BANP: variants seen among roughly 807,000 people sequenced by gnomAD.
BANP encodes the protein protein BANP.
A neutral mutation model predicts 68.1 loss-of-function variants in BANP; 11 were observed. The ratio of observed to expected loss-of-function variants is 0.16; its 90% CI spans 0.10 to 0.27. The LOEUF (loss-of-function observed/expected upper bound fraction) is 0.27. BANP is among the 10% of genes least tolerant of loss of function. The pLI, the probability that BANP is intolerant of heterozygous loss-of-function variation, is 1.00. For synonymous variants in BANP, 329 were observed against 303.2 expected (o/e 1.09, Z -0.88); for missense variants, 504 against 722.7 (o/e 0.70, Z 3.47).
chr16:87,950,085 G>A (rs2056668532), upstream of BANP, among the ~76,000 whole-genome samples: 1 of 152,082 alleles, frequency 6.6e-6, no homozygotes, highest in African/African-American at 2.4e-5. Context: ...CACCGTGTTA[G>A]CCAGGATGGT....
At chr16:88,016,173 C>T (rs1291498848) in intron 6 of BANP, among the ~76,000 whole-genome samples, 4 of 152,230 alleles carry the variant, frequency 2.6e-5, no homozygotes, top group Non-Finnish European at 5.9e-5. Context: ...ACCAGGAAAT[C>T]TGTGGCATGG....
chr16:88,027,292 C>T (rs563567223), intron 7 of BANP, among the ~76,000 whole-genome samples, 191 bp from the exon 8 acceptor site: 5 of 152,012 alleles, frequency 3.3e-5, no homozygotes, highest in Non-Finnish European at 5.9e-5. Context: ...GTGGGGAGCC[C>T]CGCCTGTGGG....
Position 88,018,456 on chromosome 16 carries a change from C to T in BANP, c.684C>T (p.Gly228=), listed in dbSNP as rs752382664. ...ACTACCCCAATGGCACCTGGCTGGG[C>T]GACGAGAACAACCCCGAGATGCGGG... The part of the protein sequence containing the change: ...EEDYPNGTWL[G]DENNPEMRVR... Residue 228 remains glycine, a synonymous_variant, in exon 7 of 14, where the codon GGC becomes GGT. Coordinates refer to ENST00000682872, the MANE Select transcript of BANP (RefSeq NM_001386991.1). This position sits in a 1 kb window ranked among gnomAD's most constrained non-coding sequence, Gnocchi z 7.7. The T allele has an allele frequency of 3.1e-6, 5 of 1,612,750 alleles. No homozygotes were observed. The South Asian group carries it at 4.4e-5, about 14-fold the overall frequency.
intron 1 of BANP, among the ~76,000 whole-genome samples, chr16:87,953,429 G>A (rs944945197): frequency 2.6e-5 from 4 of 152,066 alleles, no homozygotes; most frequent in South Asian, 2.1e-4. Flanking sequence ...GGCCGTACTC[G>A]AACTCCTGAG....
chr16:88,070,040 C>T (rs1376587090), intron 12 of BANP, among the ~76,000 whole-genome samples: 2 of 152,178 alleles, frequency 1.3e-5, no homozygotes, highest in African/African-American at 2.4e-5. Context: ...TAAAGATCCA[C>T]TTCCGCTTCA....
intron 12 of BANP, among the ~76,000 whole-genome samples, chr16:88,065,764 G>A (rs892578940): frequency 6.6e-6 from 1 of 152,156 alleles, no homozygotes; most frequent in Non-Finnish European, 1.5e-5. Flanking sequence ...GGGGAACTGG[G>A]CTGGTGGCAG....
intron 2 of BANP, among the ~76,000 whole-genome samples, chr16:87,977,809 C>T (rs1280678429): frequency 1.3e-5 from 2 of 151,484 alleles, no homozygotes; most frequent in Non-Finnish European, 2.9e-5. Context: ...TGACTTGCAT[C>T]AGGCCTGTCA....
chr16:87,980,140 C>T (rs753562628), intron 2 of BANP, among the ~76,000 whole-genome samples: 16 of 152,146 alleles, frequency 1.1e-4, no homozygotes, highest in Admixed American at 2.6e-4. Flanking sequence ...ACTGTCATTT[C>T]AGGCAAGGAA....
intron 6 of BANP, among the ~76,000 whole-genome samples, chr16:88,009,427 C>A (rs542158514): frequency 9.8e-5 from 15 of 152,326 alleles, no homozygotes; most frequent in African/African-American, 3.4e-4. Context: ...ACGGTTATTT[C>A]TTAAGAATTC....
At chr16:88,017,300 C>A in intron 6 of BANP, 1 of 152,442 alleles carries the variant, frequency 6.6e-6, no homozygotes. Context: ...AGGTTTCTAC[C>A]CTTCCACAGG....
chr16:87,980,850 T>C lies in BANP; in HGVS notation c.71-186T>C, dbSNP rs559999394. 701 of 568,268 alleles carry C rather than the reference T, an allele frequency of 1.2e-3. 2 individuals are homozygous for C. Among genetic ancestry groups the C allele is most frequent in the Middle Eastern group, 2.4e-3 (5 of 2,078 alleles). The allele number at this position is 568,268 out of a possible 1,614,324, so 35.2% of individuals were successfully genotyped here. ...AATTGCCCAGTGTCTGGGCTTTTCT[T>C]GGGATTAAGGAGTTATCCTGTTTTT... On this transcript the variant is annotated intron_variant, in intron 2 of 13. Coordinates refer to ENST00000682872, the MANE Select transcript of BANP (RefSeq NM_001386991.1).
At chr16:87,952,884 C>T (rs1361313328) in intron 1 of BANP, 1 of 152,162 alleles carries the variant, frequency 6.6e-6, no homozygotes, top group Non-Finnish European at 1.5e-5. Context: ...AAGTGATCCT[C>T]CCACCGCAGC....
intron 1 of BANP, among the ~76,000 whole-genome samples, chr16:87,972,022 A>C (rs2061222405): frequency 6.6e-6 from 1 of 151,976 alleles, no homozygotes; most frequent in South Asian, 2.1e-4. Flanking sequence ...TGAGCTATCA[A>C]CCTCAAATGG....
At chr16:87,979,864 A>G (rs2062926325) in intron 2 of BANP, among the ~76,000 whole-genome samples, 1 of 152,172 alleles carries the variant, frequency 6.6e-6, no homozygotes, top group African/African-American at 2.4e-5. Flanking sequence ...ACTTGGGCTG[A>G]GGTGGGGGGT....
At chr16:88,032,167 A>T (rs2078323108) in intron 8 of BANP, among the ~76,000 whole-genome samples, 1 of 150,986 alleles carries the variant, frequency 6.6e-6, no homozygotes, top group Non-Finnish European at 1.5e-5. Context: ...TCATATCAAC[A>T]TTCTACTTCT....
At chr16:88,022,150 A>G (rs1427673151) in intron 7 of BANP, among the ~76,000 whole-genome samples, 1 of 152,236 alleles carries the variant, frequency 6.6e-6, no homozygotes, top group East Asian at 1.9e-4. Flanking sequence ...GCATTTTCCT[A>G]AGGAATGTGC....
At chr16:88,053,001 A>G (rs1053337474) in intron 11 of BANP, among the ~76,000 whole-genome samples, 9 of 148,078 alleles carry the variant, frequency 6.1e-5, no homozygotes, top group African/African-American at 2.3e-4. Flanking sequence ...TACCACTACC[A>G]TCTCCATCAT....
upstream of BANP, chr16:87,949,255 T>C (rs2056609077): frequency 6.6e-6 from 1 of 152,224 alleles, no homozygotes; most frequent in East Asian, 1.9e-4. Context: ...GACTTGGGAA[T>C]GTTTTGAAAC....
intron 11 of BANP, among the ~76,000 whole-genome samples, chr16:88,046,005 C>T (rs1841608061): frequency 6.6e-6 from 1 of 152,240 alleles, no homozygotes; most frequent in African/African-American, 2.4e-5. Context: ...TTGGCAGGTG[C>T]CGTCCACACT....
Sources: allele counts gnomAD v4.1 joint callset (sites outside exome capture counted in the v4.1 genomes callset), GRCh38; gene constraint gnomAD v4.1.1; non-coding constraint Gnocchi (gnomAD v3.1); transcripts MANE v1.5; gene names NCBI Gene and HGNC (gene_info 2026-07-23, HGNC 2026-07-21).